Variants in LRMDA observed in about 807,000 individuals in gnomAD.
LRMDA encodes the protein leucine rich melanocyte differentiation associated, also known as leucine-rich melanocyte differentiation-associated protein.
Under a neutral mutation model 29.8 loss-of-function variants are expected in LRMDA, and 18 were observed. That is an observed-to-expected ratio of 0.60 (90% CI 0.42 to 0.90). The LOEUF (loss-of-function observed/expected upper bound fraction) is 0.90. Ranked by LOEUF, LRMDA falls within the 40% of genes least tolerant of loss-of-function variation. LRMDA has a pLI of 0.00. For missense variants in LRMDA, 273 were observed against 273.9 expected (o/e 1.00, Z 0.02); for synonymous variants, 125 against 109.4 (o/e 1.14, Z -0.89).
At chr10:76,476,126 A>G (rs1417892924) in intron 6 of LRMDA, among the ~76,000 whole-genome samples, 1 of 152,102 alleles carries the variant, frequency 6.6e-6, no homozygotes, top group African/African-American at 2.4e-5. Context: ...TTTTTTGAAA[A>G]GATCAACAAA....
intron 2 of LRMDA, among the ~76,000 whole-genome samples, chr10:75,809,971 G>A (rs1005597207): frequency 6.6e-6 from 1 of 152,210 alleles, no homozygotes; most frequent in Admixed American, 6.5e-5. Flanking sequence ...CTTCTGTGCA[G>A]GGGGCCTTGT....
At chr10:76,289,878 G>A (rs146127656) in intron 5 of LRMDA, among the ~76,000 whole-genome samples, 136 of 152,216 alleles carry the variant, frequency 8.9e-4, no homozygotes, top group African/African-American at 3.0e-3. Context: ...GGATTATTCC[G>A]AAGAACCACG....
chr10:75,560,141 G>A (rs1211089784), intron 2 of LRMDA, among the ~76,000 whole-genome samples: 5 of 151,418 alleles, frequency 3.3e-5, no homozygotes, highest in African/African-American at 7.3e-5. Context: ...CCATTTTCAC[G>A]ATATTGATTC....
chr10:76,177,608 T>C (rs1850963722), intron 5 of LRMDA, among the ~76,000 whole-genome samples: 2 of 152,066 alleles, frequency 1.3e-5, no homozygotes, highest in South Asian at 4.1e-4. Context: ...TGAAAATGGC[T>C]CCTTTTTCTA....
intron 2 of LRMDA, among the ~76,000 whole-genome samples, chr10:75,471,145 A>G (rs1386020955): frequency 1.3e-5 from 2 of 151,890 alleles, no homozygotes; most frequent in East Asian, 1.9e-4. Flanking sequence ...TGCCTTTTTA[A>G]CAACCATATG....
chr10:76,026,762 A>G lies in LRMDA; in HGVS notation c.132-9246A>G, dbSNP rs527785898. Among the ~76,000 whole-genome samples the G allele has an allele frequency of 4.6e-5, 7 of 152,290 alleles. 1 individual carries two copies. The highest frequency in any genetic ancestry group is 1.7e-4 in the African/African-American group (7 of 41,558). On this transcript the variant is annotated intron_variant, in intron 2 of 6. Transcript: ENST00000611255. Reference sequence around the variant, plus strand: ...ACTGACTTAACAGCCCTTATAAACTATAGTTATAAAGGAAGGAGCTCCAGT... The same window carrying G: ...ACTGACTTAACAGCCCTTATAAACTGTAGTTATAAAGGAAGGAGCTCCAGT...
At chr10:76,179,482 C>T (rs553180979) in intron 5 of LRMDA, among the ~76,000 whole-genome samples, 39 of 152,156 alleles carry the variant, frequency 2.6e-4, no homozygotes, top group Non-Finnish European at 5.6e-4. Context: ...TAGTTTAAGG[C>T]AAGGACACAT....
chr10:76,164,402 C>G (rs1850698290), intron 5 of LRMDA, among the ~76,000 whole-genome samples: 1 of 152,152 alleles, frequency 6.6e-6, no homozygotes, highest in Non-Finnish European at 1.5e-5. Context: ...CAGTGTCCAC[C>G]TGTTTTTTCT....
At chr10:75,643,210 T>C (rs1841476081) in intron 2 of LRMDA, 1 of 152,192 alleles carries the variant, frequency 6.6e-6, no homozygotes, top group Non-Finnish European at 1.5e-5. Flanking sequence ...GGTTAATTGA[T>C]TCAAGTCATT....
At chr10:75,777,476 G>A (rs1479695094) in intron 2 of LRMDA, among the ~76,000 whole-genome samples, 1 of 152,230 alleles carries the variant, frequency 6.6e-6, no homozygotes, top group Non-Finnish European at 1.5e-5. Flanking sequence ...CTGTCCCATG[G>A]CATCTGTGCC....
chr10:75,994,178 G>A (rs1847419811), intron 2 of LRMDA, among the ~76,000 whole-genome samples: 1 of 152,184 alleles, frequency 6.6e-6, no homozygotes, highest in African/African-American at 2.4e-5. Flanking sequence ...CATTGTAGTC[G>A]AAGAAGTGAA....
At chr10:75,547,835 C>CAA in intron 2 of LRMDA, among the ~76,000 whole-genome samples, 1 of 152,148 alleles carries the variant, frequency 6.6e-6, no homozygotes, top group East Asian at 1.9e-4. Flanking sequence ...TCTGTGATCA[C>CAA]AATTGTGATT....
At chr10:76,128,947 A>G (rs1054927853) in intron 5 of LRMDA, among the ~76,000 whole-genome samples, 3 of 152,220 alleles carry the variant, frequency 2.0e-5, no homozygotes, top group East Asian at 1.9e-4. Flanking sequence ...GTGGAGTCCA[A>G]TTGGAGACTT....
intron 6 of LRMDA, among the ~76,000 whole-genome samples, chr10:76,415,054 C>G (rs563364194): frequency 6.6e-6 from 1 of 152,254 alleles, no homozygotes; most frequent in Non-Finnish European, 1.5e-5. Flanking sequence ...CCAGGCCCTT[C>G]CCTCTTGGGA....
intron 6 of LRMDA, among the ~76,000 whole-genome samples, chr10:76,505,814 T>C (rs923302477): frequency 1.3e-5 from 2 of 152,170 alleles, no homozygotes; most frequent in African/African-American, 4.8e-5. Context: ...GGGTGCTTAT[T>C]TGGAGGGAAA....
At chr10:76,172,475 G>A (rs1564674512) in intron 5 of LRMDA, among the ~76,000 whole-genome samples, 1 of 152,172 alleles carries the variant, frequency 6.6e-6, no homozygotes, top group Non-Finnish European at 1.5e-5. Context: ...AATTAGGGGA[G>A]ACCAAAGTGG....
chr10:75,511,222 C>G (rs1321970425), intron 2 of LRMDA, among the ~76,000 whole-genome samples: 1 of 152,010 alleles, frequency 6.6e-6, no homozygotes, highest in African/African-American at 2.4e-5. Flanking sequence ...GTAGTCCCAC[C>G]TACTCGCGAG....
intron 2 of LRMDA, among the ~76,000 whole-genome samples, chr10:76,015,413 T>C (rs1407137518): frequency 1.3e-5 from 2 of 152,224 alleles, no homozygotes; most frequent in East Asian, 3.8e-4. Flanking sequence ...GGCCTCACTT[T>C]CTTGCTGGCA....
chr10:76,352,987 A>T (rs894478243), intron 6 of LRMDA, among the ~76,000 whole-genome samples: 2 of 152,064 alleles, frequency 1.3e-5, no homozygotes, highest in Non-Finnish European at 2.9e-5. Context: ...AGAAAACTGG[A>T]TTCTTTGAGT....
Sources: gnomAD v4.1 joint callset for allele counts (sites outside exome capture counted in the v4.1 genomes callset) on GRCh38, gnomAD v4.1.1 for gene constraint, MANE v1.5 for transcripts, NCBI Gene and HGNC (gene_info 2026-07-23, HGNC 2026-07-21) for gene names.